Variants in UHRF1 observed in about 807,000 individuals in gnomAD.
UHRF1 encodes the protein ubiquitin like with PHD and ring finger domains 1.
Under a neutral mutation model 96.5 loss-of-function variants are expected in UHRF1, and 9 were observed. The observed-to-expected ratio is 0.09, with a 90% CI of 0.06 to 0.16. The LOEUF (loss-of-function observed/expected upper bound fraction) is 0.16. Ranked by LOEUF, UHRF1 falls within the 10% of genes least tolerant of loss-of-function variation. The pLI is 1.00. For missense variants in UHRF1, 626 were observed against 1,131.1 expected, an observed-to-expected ratio of 0.55 and a Z score of 6.40; for synonymous variants, 455 against 469.9, an observed-to-expected ratio of 0.97 and a Z score of 0.41.
At chr19:4,915,889 G>A (rs899469234) in intron 2 of UHRF1, among the ~76,000 whole-genome samples, 2 of 152,166 alleles carry the variant, frequency 1.3e-5, no homozygotes, top group African/African-American at 4.8e-5. Context: ...CCTTACGTGC[G>A]CTGTGTTGGA....
chr19:4,959,144 A>G (rs1449811278), intron 16 of UHRF1, among the ~76,000 whole-genome samples: 1 of 151,816 alleles, frequency 6.6e-6, no homozygotes, highest in African/African-American at 2.4e-5. Context: ...ACCATGGCCA[A>G]CATGATGAAA....
intron 7 of UHRF1, among the ~76,000 whole-genome samples, chr19:4,942,794 G>A (rs996050288): frequency 1.3e-5 from 2 of 152,098 alleles, no homozygotes; most frequent in Non-Finnish European, 2.9e-5. Flanking sequence ...TTAGCTGGGC[G>A]TGGTGGTGCT....
chr19:4,941,438 G>A (rs1343964541), intron 5 of UHRF1, 90 bp from the exon 6 acceptor site: 1 of 967,918 alleles, frequency 1.0e-6, no homozygotes, highest in Non-Finnish European at 1.6e-6. Context: ...GTTGCCCCAG[G>A]CATCCCGAGA....
chr19:4,917,084 G>T (rs546825740), intron 2 of UHRF1, among the ~76,000 whole-genome samples: 13 of 134,460 alleles, frequency 9.7e-5, no homozygotes, highest in African/African-American at 3.7e-4. Context: ...GGGGGGGGGT[G>T]CAGTGAGCTT....
chr19:4,923,023 C>G (rs1465479327), intron 2 of UHRF1, among the ~76,000 whole-genome samples: 1 of 151,652 alleles, frequency 6.6e-6, no homozygotes, highest in Non-Finnish European at 1.5e-5. Flanking sequence ...GACTGCAGGC[C>G]TGGCTCCCCA....
intron 7 of UHRF1, among the ~76,000 whole-genome samples, chr19:4,943,918 T>C (rs2033486248): frequency 6.6e-6 from 1 of 152,232 alleles, no homozygotes; most frequent in Non-Finnish European, 1.5e-5. Context: ...CCCAAAGTGC[T>C]GGGATTACAG....
chr19:4,937,539 T>C, intron 5 of UHRF1, among the ~76,000 whole-genome samples: 1 of 151,942 alleles, frequency 6.6e-6, no homozygotes, highest in African/African-American at 2.4e-5. Context: ...TATTTTTGTA[T>C]TTTTAGTAGA....
rs746918492 is a variant in UHRF1, at chr19:4,956,831, C to A, written c.2235+18C>A. On this transcript the variant is annotated intron_variant, in intron 16 of 16. Transcript: ENST00000650932. ...TGTGCAAGGTGAGTAGAGATGGCCG[C>A]GGGAGCCGGGTGGAAGGTTCTGGAA... 5 of 1,567,520 alleles carry A rather than the reference C, an allele frequency of 3.2e-6. No homozygotes were observed. The highest frequency in any genetic ancestry group is 3.5e-6 in the Non-Finnish European group (4 of 1,150,126).
At chr19:4,935,617 A>G (rs2033193864) in intron 5 of UHRF1, among the ~76,000 whole-genome samples, 1 of 151,022 alleles carries the variant, frequency 6.6e-6, no homozygotes, top group Admixed American at 6.6e-5. Flanking sequence ...TCCTTGCCCC[A>G]TGGGCTTCTC....
chr19:4,954,285 G>C lies in UHRF1; in HGVS notation c.1819-65G>C, dbSNP rs2033792656. The C allele has an allele frequency of 1.9e-6, 3 of 1,575,134 alleles. No individual in the cohort carries two copies. Among genetic ancestry groups the C allele is most frequent in the Non-Finnish European group, 2.6e-6 (3 of 1,160,768 alleles). The stretch of plus-strand genomic sequence containing the variant: ...CCCAGACCTGGCAAGGAGGCTGGAA[G>C]AGCGGGCTCTGCATAGCGTGTGGGC... On this transcript the variant is annotated intron_variant, in intron 13 of 16. Transcript: ENST00000650932. This position sits in a 1 kb window ranked among gnomAD's most constrained non-coding sequence, Gnocchi z 5.9.
At chr19:4,917,888 T>A (rs1168030444) in intron 2 of UHRF1, among the ~76,000 whole-genome samples, 1 of 152,088 alleles carries the variant, frequency 6.6e-6, no homozygotes, top group Non-Finnish European at 1.5e-5. Flanking sequence ...ATCAAACTCC[T>A]GGGCTCAAGT....
intron 5 of UHRF1, among the ~76,000 whole-genome samples, chr19:4,937,502 C>T (rs916010319): frequency 6.6e-6 from 1 of 152,056 alleles, no homozygotes; most frequent in African/African-American, 2.4e-5. Flanking sequence ...GCTGGGATTA[C>T]AGGTGCGTAT....
At chr19:4,917,214 C>A (rs1255758375) in intron 2 of UHRF1, among the ~76,000 whole-genome samples, 1 of 151,056 alleles carries the variant, frequency 6.6e-6, no homozygotes, top group Non-Finnish European at 1.5e-5. Flanking sequence ...ATCTTGACTT[C>A]CCAAAGTACT....
Sources: gnomAD v4.1 joint callset for allele counts (sites outside exome capture counted in the v4.1 genomes callset) on GRCh38, gnomAD v4.1.1 for gene constraint, Gnocchi (gnomAD v3.1) non-coding constraint, MANE v1.5 for transcripts, NCBI Gene and HGNC (gene_info 2026-07-23, HGNC 2026-07-21) for gene names.